TSGA10: variants seen among roughly 807,000 people sequenced by gnomAD.
TSGA10 encodes the protein testis specific 10, also known as testis-specific gene 10 protein.
In TSGA10, 43 loss-of-function variants were observed where a neutral mutation model predicts 96.6. That is an observed-to-expected ratio of 0.44 (90% confidence interval 0.35 to 0.57). The LOEUF is 0.57. Among genes scored for constraint, TSGA10 ranks in the 20% least tolerant of loss-of-function variants. The pLI is 0.01. For missense variants in TSGA10, 703 were observed against 834.4 expected (o/e 0.84, Z 1.94); for synonymous variants, 229 against 269.9 (o/e 0.85, Z 1.48).
intron 14 of TSGA10, among the ~76,000 whole-genome samples, chr2:99,069,716 TA>T (rs1176537093): frequency 6.6e-6 from 1 of 151,932 alleles, no homozygotes; most frequent in African/African-American, 2.4e-5. Context: ...TGAAATCTAA[TA>T]AAATTTAATG....
intron 20 of TSGA10, among the ~76,000 whole-genome samples, chr2:99,006,610 A>T (rs528792555): frequency 1.3e-5 from 2 of 152,344 alleles, no homozygotes; most frequent in South Asian, 4.1e-4. Context: ...ATCTCACACC[A>T]GTTATAATGG....
At position 99,136,798 on chromosome 2, in the gene TSGA10, CAAAAAAAAAAAAAAAAAAAAAAAAAAA is replaced by C. The variant is rs977980769; in HGVS notation, c.-620-9649_-620-9623del. Among the ~76,000 whole-genome samples, 3 of 3,042 alleles carry C rather than the reference CAAAAAAAAAAAAAAAAAAAAAAAAAAA, an allele frequency of 9.9e-4. 1 individual carries two copies. The highest frequency in any genetic ancestry group is 1.1e-3 in the Non-Finnish European group (1 of 926). 2.0% of individuals were successfully genotyped at this position (3,042 alleles called of 152,430 possible). Reference sequence around the variant, plus strand: ...TGGGCGACAGAGCGAGACTCCATCTCAAAAAAAAAAAAAAAAAAAAAAAAAAAAAAAAAAAAAAAAAAAAAAGTATTT... The same window carrying C: ...TGGGCGACAGAGCGAGACTCCATCTCAAAAAAAAAAAAAAAAAAAGTATTT... On this transcript the variant is annotated intron_variant, in intron 1 of 20. Coordinates refer to ENST00000393483, the MANE Select transcript of TSGA10 (RefSeq NM_025244.4).
intron 20 of TSGA10, among the ~76,000 whole-genome samples, chr2:99,009,516 G>C (rs1166201109): frequency 1.4e-5 from 2 of 143,238 alleles, no homozygotes; most frequent in East Asian, 4.2e-4. Flanking sequence ...AGCTTGCAGT[G>C]AGCCGAGATC....
rs2087054587 is a variant in TSGA10, at chr2:99,078,750, T to C, written c.791A>G (p.Asn264Ser). The change falls in exon 12 of 21, where the codon AAT becomes AGT. Residue 264 changes from asparagine to serine, a missense_variant. By Grantham distance (46) the Asn-to-Ser change is conservative. Around this residue, in one of 3 missense-constraint regions of TSGA10, gnomAD observed 585 missense variants for 656.8 expected, o/e 0.89. Transcript: ENST00000393483. Reference protein sequence around the residue: ...EEISILGGTLNDLAKEKECLQ... With the variant: ...EEISILGGTLSDLAKEKECLQ... ...GCATTCCTTTTCTTTAGCCAGATCA[T>C]TGAGGGTTCCACCAAGAATGCTGAT... The C allele has an allele frequency of 1.2e-6, 2 of 1,613,794 alleles. No individual in the cohort carries two copies. Among genetic ancestry groups the C allele is most frequent in the Non-Finnish European group, 1.7e-6 (2 of 1,179,896 alleles).
chr2:99,119,002 CT>C (rs2092433960), intron 2 of TSGA10, among the ~76,000 whole-genome samples: 1 of 152,032 alleles, frequency 6.6e-6, no homozygotes, highest in Non-Finnish European at 1.5e-5. Context: ...AAAAAAAACA[CT>C]CGCACACAGA....
At chr2:99,030,841 A>C (rs1174682967) in intron 17 of TSGA10, among the ~76,000 whole-genome samples, 1 of 152,192 alleles carries the variant, frequency 6.6e-6, no homozygotes, top group East Asian at 1.9e-4. Context: ...CAGTTAACAA[A>C]AGAAATCAAG....
At chr2:99,097,720 TAAGTA>T (rs2104743286) in intron 10 of TSGA10, among the ~76,000 whole-genome samples, 1 of 152,238 alleles carries the variant, frequency 6.6e-6, no homozygotes, top group South Asian at 2.1e-4. Flanking sequence ...CCCAAAGATA[TAAGTA>T]AATAAAATAC....
intron 10 of TSGA10, among the ~76,000 whole-genome samples, chr2:99,088,483 C>G (rs764518962): frequency 1.3e-5 from 2 of 152,218 alleles, no homozygotes; most frequent in South Asian, 4.1e-4. Flanking sequence ...TATCCCCCCT[C>G]GATAAGAGGG....
At chr2:99,091,846 A>G (rs1257196571) in intron 10 of TSGA10, among the ~76,000 whole-genome samples, 1 of 152,226 alleles carries the variant, frequency 6.6e-6, no homozygotes, top group African/African-American at 2.4e-5. Context: ...CTCCACTGAC[A>G]GCACTTGACA....
At chr2:99,001,209 G>A (rs2077874637) in intron 20 of TSGA10, among the ~76,000 whole-genome samples, 1 of 152,164 alleles carries the variant, frequency 6.6e-6, no homozygotes, top group Admixed American at 6.6e-5. Flanking sequence ...CTAACTCAGG[G>A]ACACCTCCCA....
At chr2:99,022,234 G>C (rs2104967160) in intron 17 of TSGA10, among the ~76,000 whole-genome samples, 1 of 150,274 alleles carries the variant, frequency 6.7e-6, no homozygotes, top group South Asian at 2.1e-4. Context: ...GGCTGAGGTG[G>C]GAAATTGCTT....
chr2:99,054,658 C>T (rs954838068), intron 16 of TSGA10, among the ~76,000 whole-genome samples: 1 of 151,976 alleles, frequency 6.6e-6, no homozygotes, highest in African/African-American at 2.4e-5. Context: ...AGGAAGAAAA[C>T]AAATAACCCA....
intron 16 of TSGA10, among the ~76,000 whole-genome samples, chr2:99,035,997 A>G (rs2081591597): frequency 6.6e-6 from 1 of 152,102 alleles, no homozygotes; most frequent in Admixed American, 6.5e-5. Context: ...ACATTATAGG[A>G]AATAAGAGTG....
intron 11 of TSGA10, among the ~76,000 whole-genome samples, chr2:99,079,718 A>G (rs533923597): frequency 6.6e-6 from 1 of 152,294 alleles, no homozygotes; most frequent in East Asian, 1.9e-4. Context: ...TTAGCTCTCA[A>G]GGTGATTCTG....
At chr2:99,084,386 T>G (rs989775884) in intron 10 of TSGA10, among the ~76,000 whole-genome samples, 1 of 151,958 alleles carries the variant, frequency 6.6e-6, no homozygotes, top group Non-Finnish European at 1.5e-5. Flanking sequence ...ATAAGTGAGA[T>G]CTCGCTAGTT....
intron 10 of TSGA10, among the ~76,000 whole-genome samples, chr2:99,098,418 G>A (rs1456379724): frequency 8.5e-5 from 11 of 128,854 alleles, no homozygotes; most frequent in African/African-American, 1.2e-4. Flanking sequence ...CAACCTGGGT[G>A]ACAGAGAGAG....
chr2:99,119,992 G>A (rs958218745), intron 2 of TSGA10, among the ~76,000 whole-genome samples: 2 of 152,122 alleles, frequency 1.3e-5, no homozygotes, highest in Admixed American at 6.5e-5. Flanking sequence ...TGCACCAGGA[G>A]ATGTTCTTGG....
intron 16 of TSGA10, among the ~76,000 whole-genome samples, chr2:99,059,880 C>T (rs1398268114): frequency 6.8e-6 from 1 of 147,958 alleles, no homozygotes; most frequent in East Asian, 2.0e-4. Flanking sequence ...CGCCACTGCA[C>T]TCCAGCCTGG....
chr2:99,140,973 C>T lies in TSGA10; in HGVS notation c.-621+13720G>A, dbSNP rs534086835. ...TCCCGCTGCTAGCGCCCAACTCCGCCCGCCACGGCCCCGCACCCGCCACTC... is the reference window on the plus strand; with the variant it reads ...TCCCGCTGCTAGCGCCCAACTCCGCTCGCCACGGCCCCGCACCCGCCACTC... On this transcript the variant is annotated intron_variant, in intron 1 of 20. Transcript: ENST00000393483. 1.1e-5 allele frequency: 9 copies of T among 813,738 alleles called. No homozygotes were observed. The East Asian group carries it at 7.8e-4, about 71-fold the overall frequency. The allele number at this position is 813,738 out of a possible 1,614,324, so 50.4% of individuals were successfully genotyped here. A position where few individuals can be genotyped will look rare whatever the true frequency, so the allele number is the denominator to read the frequency against.
Sources: gnomAD v4.1 joint callset for allele counts (sites outside exome capture counted in the v4.1 genomes callset) on GRCh38, gnomAD v4.1.1 for gene constraint, gnomAD v4.1.1 regional missense constraint, MANE v1.5 for transcripts, NCBI Gene and HGNC (gene_info 2026-07-23, HGNC 2026-07-21) for gene names.